LIPA: variants seen among roughly 807,000 people sequenced by gnomAD.
LIPA encodes the protein lysosomal acid lipase/cholesteryl ester hydrolase.
Under a neutral mutation model 40.6 loss-of-function variants are expected in LIPA, and 26 were observed. The observed-to-expected ratio is 0.64, with a 90% CI of 0.47 to 0.89. The LOEUF (loss-of-function observed/expected upper bound fraction) is 0.89. Ranked by LOEUF, LIPA falls within the 40% of genes least tolerant of loss-of-function variation. The pLI is 0.00. For synonymous variants in LIPA, 188 were observed against 168.4 expected, an observed-to-expected ratio of 1.12 and a Z score of -0.90; for missense variants, 455 against 479.6, an observed-to-expected ratio of 0.95 and a Z score of 0.48.
intron 2 of LIPA, among the ~76,000 whole-genome samples, chr10:89,374,970 A>G (rs1844112012): frequency 1.3e-5 from 2 of 152,212 alleles, no homozygotes; most frequent in Admixed American, 1.3e-4. Flanking sequence ...CAGCAGCTGC[A>G]CAGTCAGATA....
chr10:89,307,871 C>G (rs1038042748), intron 1 of LIPA: 1 of 156,934 alleles, frequency 6.4e-6, no homozygotes, highest in Non-Finnish European at 1.4e-5. Flanking sequence ...CAGTATCCCC[C>G]ATCGCTTATC....
rs550429707 is a variant in LIPA, at chr10:89,265,334, C to T, written c.-1-17685G>A. 3.9e-5 allele frequency among the ~76,000 whole-genome samples: 6 copies of T among 152,182 alleles called. No individual in the cohort carries two copies. The East Asian group carries it at 7.7e-4, about 20-fold the overall frequency. On this transcript the variant is annotated intron_variant, in intron 1 of 5. Coordinates refer to the LIPA transcript ENST00000282673. The stretch of plus-strand genomic sequence containing the variant: ...GGGTGGGGCTCCTGACCTGCCAACT[C>T]GGAAGGGGACAGGGCTCCCACCATC...
chr10:89,251,051 G>A (rs1029338801), intron 1 of LIPA, among the ~76,000 whole-genome samples: 5 of 152,200 alleles, frequency 3.3e-5, no homozygotes, highest in African/African-American at 1.2e-4. Context: ...AGTGGCAGAA[G>A]AAAAGGCCCC....
At chr10:89,217,135 G>T (rs1399968943) in intron 8 of LIPA, among the ~76,000 whole-genome samples, 1 of 152,182 alleles carries the variant, frequency 6.6e-6, no homozygotes, top group Admixed American at 6.5e-5. Context: ...CAAGCCAAAT[G>T]AATTTGAAAT....
rs2133429315 is a variant in LIPA at position 89,225,107 on chromosome 10, T to G, written c.660A>C (p.Pro220=). 2 of 1,614,116 alleles carry G rather than the reference T, an allele frequency of 1.2e-6. No homozygotes were observed. Among genetic ancestry groups the G allele is most frequent in the Non-Finnish European group, 1.7e-6 (2 of 1,180,014 alleles). The change falls in exon 6 of 10, where the codon CCA becomes CCC. Residue 220 remains proline (P), a synonymous_variant. Coordinates refer to ENST00000336233, the MANE Select transcript of LIPA (RefSeq NM_000235.4). ...TSPMAKLGRL[P]DHLIKDLFGD... ...GTCCAAGTACCTTAATGAGATGATC[T>G]GGTAATCGTCCTAATTTGGCCATAG...
At chr10:89,278,597 C>T (rs954643574) in intron 1 of LIPA, 3 of 152,102 alleles carry the variant, frequency 2.0e-5, no homozygotes, top group African/African-American at 7.2e-5. Flanking sequence ...ACCTGGAAGA[C>T]CTGGCAATGT....
intron 1 of LIPA, among the ~76,000 whole-genome samples, chr10:89,250,081 C>CT (rs1441973253): frequency 5.8e-5 from 7 of 120,358 alleles, no homozygotes; most frequent in Non-Finnish European, 8.5e-5. Flanking sequence ...TTTCTTTTTT[C>CT]TTTTTCTTTT....
chr10:89,327,263 T>A (rs138795267), intron 1 of LIPA, among the ~76,000 whole-genome samples: 1 of 152,118 alleles, frequency 6.6e-6, no homozygotes, highest in East Asian at 1.9e-4. Flanking sequence ...AAAAAGAGCA[T>A]GTTCTGGCTG....
chr10:89,222,456 G>C (rs975135389), intron 8 of LIPA, 55 bp downstream of exon 8: 20 of 1,084,650 alleles, frequency 1.8e-5, no homozygotes, highest in Non-Finnish European at 2.6e-5. Context: ...TGCATGCCCA[G>C]ACCTTTCTGA....
intron 1 of LIPA, among the ~76,000 whole-genome samples, chr10:89,286,122 C>T (rs111246988): frequency 5.9e-5 from 9 of 152,172 alleles, no homozygotes; most frequent in Admixed American, 1.3e-4. Context: ...TAATTTTTGT[C>T]GAAAAATGGG....
chr10:89,225,323 A>C (rs72814720), intron 5 of LIPA, 95 bp from the exon 6 acceptor site: 24 of 1,160,212 alleles, frequency 2.1e-5, no homozygotes, highest in African/African-American at 1.2e-4. Flanking sequence ...CCTCTCGCGG[A>C]GGCCTGAGAC....
chr10:89,246,508 A>G (rs890630042), intron 2 of LIPA, among the ~76,000 whole-genome samples: 4 of 152,194 alleles, frequency 2.6e-5, no homozygotes, highest in African/African-American at 9.7e-5. Context: ...AGGCAAAAGA[A>G]AAGCTTTGAG....
At chr10:89,320,988 A>G (rs1275949602) in intron 1 of LIPA, among the ~76,000 whole-genome samples, 2 of 152,098 alleles carry the variant, frequency 1.3e-5, no homozygotes, top group Non-Finnish European at 2.9e-5. Flanking sequence ...TATTTAATAA[A>G]TGGTGCTGGG....
chr10:89,256,974 A>G (rs1843184784), intron 1 of LIPA, among the ~76,000 whole-genome samples: 1 of 152,246 alleles, frequency 6.6e-6, no homozygotes, highest in Non-Finnish European at 1.5e-5. Flanking sequence ...TCAGGTTTGC[A>G]ATGTGAATAA....
intron 1 of LIPA, chr10:89,307,974 A>G (rs892006118): frequency 2.6e-5 from 4 of 152,908 alleles, no homozygotes; most frequent in African/African-American, 9.7e-5. Context: ...AGGTGGCAAC[A>G]TAGTTTGAGA....
Position 89,225,057 on chromosome 10 carries a change from C to A in LIPA, c.675+35G>T, listed in dbSNP as rs1050765445. ...TCTTCAGATCTCAGGAGGAAATCTGCGGGGAGAGGAGAGGGATGGGAGGGG... is the reference window on the plus strand; with the variant it reads ...TCTTCAGATCTCAGGAGGAAATCTGAGGGGAGAGGAGAGGGATGGGAGGGG... On this transcript the variant is annotated intron_variant, in intron 6 of 9. Transcript: ENST00000336233. 4 of 1,610,402 alleles carry A rather than the reference C, an allele frequency of 2.5e-6. No individual in the cohort carries two copies. The South Asian group carries it at 3.3e-5, about 13-fold the overall frequency.
intron 1 of LIPA, among the ~76,000 whole-genome samples, chr10:89,290,955 TTGG>T (rs2133507506): frequency 6.6e-6 from 1 of 152,342 alleles, no homozygotes; most frequent in South Asian, 2.1e-4. Context: ...TATGTTACAG[TTGG>T]TTTCATCTTA....
intron 1 of LIPA, among the ~76,000 whole-genome samples, chr10:89,302,456 G>T (rs964929648): frequency 7.2e-5 from 11 of 152,134 alleles, no homozygotes; most frequent in South Asian, 2.1e-4. Flanking sequence ...GGGTCTGGGG[G>T]CATTGCTCTT....
chr10:89,384,285 G>A (rs746811532), intron 2 of LIPA: 3 of 1,614,142 alleles, frequency 1.9e-6, no homozygotes, highest in East Asian at 2.2e-5. Context: ...TGGTTCAATT[G>A]GCTATATGCA....
Sources: gnomAD v4.1 joint callset for allele counts (sites outside exome capture counted in the v4.1 genomes callset) on GRCh38, gnomAD v4.1.1 for gene constraint, MANE v1.5 for transcripts, NCBI Gene and HGNC (gene_info 2026-07-23, HGNC 2026-07-21) for gene names.